The following EFCAB5 variants were observed in gnomAD, a reference collection of about 807,000 sequenced individuals.
EFCAB5 encodes the protein EF-hand calcium binding domain 5.
A neutral mutation model predicts 167.9 loss-of-function variants in EFCAB5; 131 were observed. That is an observed-to-expected ratio of 0.78 (90% CI 0.68 to 0.90). The LOEUF is 0.90. Ranked by LOEUF, EFCAB5 falls within the 40% of genes least tolerant of loss-of-function variation. The pLI, the probability that EFCAB5 is intolerant of heterozygous loss-of-function variation, is 0.00. For synonymous variants in EFCAB5, 574 were observed against 602.8 expected, an observed-to-expected ratio of 0.95 and a Z score of 0.70; for missense variants, 1,663 against 1,745.2, an observed-to-expected ratio of 0.95 and a Z score of 0.84.
intron 4 of EFCAB5, among the ~76,000 whole-genome samples, chr17:29,983,587 C>T (rs1301239292): frequency 6.6e-6 from 1 of 152,086 alleles, no homozygotes. Context: ...CCTTCCAGTC[C>T]CCTTACACTT....
intron 8 of EFCAB5, among the ~76,000 whole-genome samples, chr17:30,049,170 G>C (rs1043385021): frequency 1.3e-5 from 2 of 152,134 alleles, no homozygotes; most frequent in Non-Finnish European, 2.9e-5. Flanking sequence ...GACAGCTAAT[G>C]TGTGTCAGAG....
intron 4 of EFCAB5, among the ~76,000 whole-genome samples, chr17:29,973,727 C>T (rs1597604676): frequency 2.6e-5 from 4 of 151,884 alleles, no homozygotes; most frequent in Admixed American, 6.5e-5. Context: ...CCACCCGCCT[C>T]GGCCTCCCAA....
intron 8 of EFCAB5, among the ~76,000 whole-genome samples, chr17:30,050,763 A>G (rs2070069375): frequency 6.6e-6 from 1 of 152,236 alleles, no homozygotes; most frequent in South Asian, 2.1e-4. Context: ...TTTAAAAATA[A>G]CAATGGAAAA....
chr17:29,969,573 T>A (rs771265466), intron 4 of EFCAB5, among the ~76,000 whole-genome samples: 28 of 152,198 alleles, frequency 1.8e-4, no homozygotes, highest in Non-Finnish European at 3.2e-4. Flanking sequence ...ATTCATAGAT[T>A]TAATTATCTC....
At chr17:29,974,837 G>T (rs1295575667) in intron 4 of EFCAB5, among the ~76,000 whole-genome samples, 1 of 152,052 alleles carries the variant, frequency 6.6e-6, no homozygotes, top group Non-Finnish European at 1.5e-5. Flanking sequence ...AGTGGATACT[G>T]AAATTTGAAT....
At chr17:30,059,115 A>G (rs1051933965) in intron 13 of EFCAB5, 1 of 152,196 alleles carries the variant, frequency 6.6e-6, no homozygotes, top group South Asian at 2.1e-4. Context: ...TAATGTTAAT[A>G]AGTTCTGATA....
intron 7 of EFCAB5, among the ~76,000 whole-genome samples, chr17:30,026,245 G>A (rs2069319724): frequency 6.6e-6 from 1 of 151,916 alleles, no homozygotes; most frequent in African/African-American, 2.4e-5. Flanking sequence ...CATTCCAAGA[G>A]ACAAAACTTA....
At chr17:30,025,712 A>G (rs1024454465) in intron 7 of EFCAB5, among the ~76,000 whole-genome samples, 1 of 152,216 alleles carries the variant, frequency 6.6e-6, no homozygotes, top group Non-Finnish European at 1.5e-5. Flanking sequence ...ATAAAGACAC[A>G]TGCACATGTG....
At chr17:29,937,894 A>G (rs1395967740), upstream of EFCAB5, among the ~76,000 whole-genome samples, 1 of 152,216 alleles carries the variant, frequency 6.6e-6, no homozygotes, top group African/African-American at 2.4e-5. Flanking sequence ...CAGTGTTTAG[A>G]TATCTCTGAA....
rs71138868 is a variant in EFCAB5, at chr17:30,026,961, C to CTTTTT, written c.1045-7230_1045-7226dup. ...ATGATTTCCTTGTACCTCCTTGTAC[C>CTTTTT]TTTTTTTTTTTTTTTTTTTTTTTTT... is the stretch of plus-strand genomic sequence containing the variant. On this transcript the variant is annotated intron_variant, in intron 7 of 22. Transcript: ENST00000394835. 2.0e-4 allele frequency among the ~76,000 whole-genome samples: 13 copies of CTTTTT among 64,550 alleles called. 2 individuals carry two copies. Among genetic ancestry groups the CTTTTT allele is most frequent in the East Asian group, 4.8e-4 (1 of 2,100 alleles). The allele number at this position is 64,550 out of a possible 152,430, so 42.3% of individuals were successfully genotyped here. A position where few individuals can be genotyped will look rare whatever the true frequency, so the allele number is the denominator to read the frequency against.
chr17:30,068,288 T>C (rs1185036621), intron 14 of EFCAB5, among the ~76,000 whole-genome samples: 2 of 149,436 alleles, frequency 1.3e-5, no homozygotes, highest in African/African-American at 4.9e-5. Flanking sequence ...GGCAACAGAG[T>C]GAGACTCCAT....
intron 4 of EFCAB5, among the ~76,000 whole-genome samples, chr17:29,989,330 A>G (rs1788189233): frequency 6.6e-6 from 1 of 152,244 alleles, no homozygotes; most frequent in Admixed American, 6.5e-5. Context: ...CATATAATGA[A>G]TAATGTAACA....
chr17:30,066,646 T>C (rs150428784), intron 14 of EFCAB5, among the ~76,000 whole-genome samples: 1 of 151,310 alleles, frequency 6.6e-6, no homozygotes, highest in East Asian at 1.9e-4. Context: ...CCAAAACTGG[T>C]AGAAAAAAAG....
chr17:30,006,023 C>T (rs892168203), intron 7 of EFCAB5, among the ~76,000 whole-genome samples: 4 of 152,212 alleles, frequency 2.6e-5, no homozygotes, highest in Non-Finnish European at 4.4e-5. Flanking sequence ...CTTTTGGGGC[C>T]TAACCAACGT....
intron 3 of EFCAB5, among the ~76,000 whole-genome samples, chr17:29,956,913 T>G (rs1168052764): frequency 1.3e-5 from 2 of 152,164 alleles, no homozygotes; most frequent in Non-Finnish European, 2.9e-5. Context: ...TAATTTGACT[T>G]CTTTCTTTCC....
intron 4 of EFCAB5, among the ~76,000 whole-genome samples, chr17:29,977,537 T>C (rs1284034479): frequency 1.3e-5 from 2 of 152,202 alleles, no homozygotes; most frequent in Non-Finnish European, 1.5e-5. Flanking sequence ...TCCTGTATAA[T>C]GCATACCCAG....
intron 14 of EFCAB5, among the ~76,000 whole-genome samples, chr17:30,062,926 C>A (rs375285634): frequency 6.6e-6 from 1 of 152,172 alleles, no homozygotes; most frequent in African/African-American, 2.4e-5. Flanking sequence ...AGAAATGGTG[C>A]CTTGGCCACT....
chr17:30,061,341 G>A (rs2070420059), intron 14 of EFCAB5, among the ~76,000 whole-genome samples: 1 of 152,198 alleles, frequency 6.6e-6, no homozygotes, highest in African/African-American at 2.4e-5. Context: ...AAAGGAAGAA[G>A]ATTCTAAATT....
intron 7 of EFCAB5, among the ~76,000 whole-genome samples, chr17:30,008,032 C>T (rs983762525): frequency 6.7e-6 from 1 of 148,224 alleles, no homozygotes; most frequent in African/African-American, 2.6e-5. Context: ...GTATGTTTTC[C>T]TCTCTTCCCC....
Sources: gnomAD v4.1 joint callset for allele counts (sites outside exome capture counted in the v4.1 genomes callset) on GRCh38, gnomAD v4.1.1 for gene constraint, MANE v1.5 for transcripts, NCBI Gene and HGNC (gene_info 2026-07-23, HGNC 2026-07-21) for gene names.